The following RNGTT variants were observed in gnomAD, a reference collection of about 807,000 sequenced individuals.
RNGTT encodes RNA guanylyltransferase and 5'-phosphatase.
A neutral mutation model predicts 79.3 loss-of-function variants in RNGTT; 33 were observed. That is an observed-to-expected ratio of 0.42 (90% CI 0.32 to 0.56). The LOEUF (loss-of-function observed/expected upper bound fraction) is 0.56. Among genes scored for constraint, RNGTT ranks in the 20% least tolerant of loss-of-function variants. The pLI is 0.17. For missense variants in RNGTT, 497 were observed against 739.1 expected, an observed-to-expected ratio of 0.67 and a Z score of 3.80; for synonymous variants, 222 against 235.9, an observed-to-expected ratio of 0.94 and a Z score of 0.54.
At chr6:88,852,565 T>G (rs556953326) in intron 9 of RNGTT, among the ~76,000 whole-genome samples, 1 of 152,088 alleles carries the variant, frequency 6.6e-6, no homozygotes, top group Admixed American at 6.5e-5. Flanking sequence ...CATGTACATA[T>G]GTATATATAT....
At chr6:88,712,066 C>T (rs1365117250) in intron 13 of RNGTT, among the ~76,000 whole-genome samples, 4 of 152,120 alleles carry the variant, frequency 2.6e-5, no homozygotes, top group Non-Finnish European at 5.9e-5. Flanking sequence ...AACATATCCA[C>T]ACCAAAGGAC....
intron 13 of RNGTT, among the ~76,000 whole-genome samples, chr6:88,724,458 C>T (rs1776816821): frequency 6.6e-6 from 1 of 152,122 alleles, no homozygotes; most frequent in Admixed American, 6.5e-5. Context: ...TCCGCTATGC[C>T]ATATAGCCTA....
At chr6:88,924,293 G>GT (rs1784252303) in intron 4 of RNGTT, among the ~76,000 whole-genome samples, 1 of 152,094 alleles carries the variant, frequency 6.6e-6, no homozygotes, top group South Asian at 2.1e-4. Context: ...ACTTTAATTT[G>GT]TATCTCATTA....
At chr6:88,633,629 T>C (rs898900198) in intron 14 of RNGTT, among the ~76,000 whole-genome samples, 1 of 151,200 alleles carries the variant, frequency 6.6e-6, no homozygotes, top group African/African-American at 2.4e-5. Context: ...AACTAAAATG[T>C]TTTTTTTTAA....
intron 14 of RNGTT, among the ~76,000 whole-genome samples, chr6:88,626,575 TTC>T (rs1216721541): frequency 1.3e-5 from 2 of 152,068 alleles, no homozygotes; most frequent in African/African-American, 4.8e-5. Context: ...CTGCTAAAGT[TTC>T]TTTCTCTTCA....
intron 11 of RNGTT, among the ~76,000 whole-genome samples, chr6:88,840,165 A>T (rs1250103737): frequency 6.6e-6 from 1 of 152,182 alleles, no homozygotes; most frequent in Non-Finnish European, 1.5e-5. Flanking sequence ...TTACCATCCC[A>T]TTAGCAAAGA....
chr6:88,730,650 G>A (rs1451357878), intron 13 of RNGTT, among the ~76,000 whole-genome samples: 2 of 152,228 alleles, frequency 1.3e-5, no homozygotes, highest in South Asian at 2.1e-4. Flanking sequence ...CTCCTGCTGC[G>A]CAGCCCAGTT....
intron 4 of RNGTT, among the ~76,000 whole-genome samples, chr6:88,911,493 G>A (rs537315898): frequency 3.9e-5 from 6 of 152,242 alleles, no homozygotes; most frequent in Non-Finnish European, 8.8e-5. Context: ...AGAACTTCCA[G>A]ATGGGTACTA....
At chr6:88,839,056 CA>C (rs34355123) in intron 11 of RNGTT, among the ~76,000 whole-genome samples, 25,038 of 131,646 alleles carry the variant, frequency 0.19, 2,834 homozygotes, top group African/African-American at 0.35. Flanking sequence ...TATCTATATG[CA>C]AAAAAAAAAA....
At chr6:88,873,336 G>A (rs963509480) in intron 8 of RNGTT, among the ~76,000 whole-genome samples, 29 of 152,140 alleles carry the variant, frequency 1.9e-4, no homozygotes, top group African/African-American at 7.0e-4. Context: ...CTTTTAACTA[G>A]TATTCTCATA....
At chr6:88,687,172 A>G (rs1775309067) in intron 13 of RNGTT, among the ~76,000 whole-genome samples, 1 of 152,208 alleles carries the variant, frequency 6.6e-6, no homozygotes, top group Non-Finnish European at 1.5e-5. Flanking sequence ...ATGGACATTA[A>G]GCGTATGTAA....
intron 11 of RNGTT, among the ~76,000 whole-genome samples, chr6:88,806,535 T>C (rs1429210878): frequency 1.3e-5 from 2 of 152,080 alleles, no homozygotes; most frequent in Non-Finnish European, 2.9e-5. Context: ...CAGGATGGTC[T>C]CAATCTCCTG....
rs534210089 is a variant in RNGTT, at chr6:88,902,101, T to C, written c.684+2614A>G. On this transcript the variant is annotated intron_variant, in intron 6 of 15. Coordinates refer to ENST00000369485, the MANE Select transcript of RNGTT (RefSeq NM_003800.5). ...TACTCAGGAGGCTGCGATGAGAGGA[T>C]AGCTTGAGCCCAGAAGTTCAAAGTA... 1.1e-4 allele frequency among the ~76,000 whole-genome samples: 17 copies of C among 152,136 alleles called. No individual in the cohort carries two copies. In the East Asian group the frequency reaches 2.1e-3, roughly 19 times the overall value.
At chr6:88,809,103 A>AT (rs1780053511) in intron 11 of RNGTT, among the ~76,000 whole-genome samples, 1 of 152,206 alleles carries the variant, frequency 6.6e-6, no homozygotes, top group Admixed American at 6.5e-5. Context: ...GGCTATATTA[A>AT]TATAAGACAA....
intron 13 of RNGTT, among the ~76,000 whole-genome samples, chr6:88,707,724 T>G (rs201696053): frequency 9.2e-6 from 1 of 108,480 alleles, no homozygotes; most frequent in African/African-American, 4.6e-5. Flanking sequence ...TTCCCTAACA[T>G]TAAAAAAAAA....
rs141377243 is a variant in RNGTT, at chr6:88,746,766, G to C, written c.1439+23008C>G. 2.8e-4 allele frequency among the ~76,000 whole-genome samples: 42 copies of C among 152,282 alleles called. No homozygotes were observed. The East Asian group carries it at 4.1e-3, about 15-fold the overall frequency. The stretch of plus-strand genomic sequence containing the variant: ...AGACCTATACTGGTCTGGCCTGGGG[G>C]TTGGGCACCCCTGTACTAGAATGAT... On this transcript the variant is annotated intron_variant, in intron 13 of 15. Coordinates refer to ENST00000369485, the MANE Select transcript of RNGTT (RefSeq NM_003800.5).
intron 7 of RNGTT, 82 bp downstream of exon 7, chr6:88,891,724 G>T: frequency 1.2e-6 from 1 of 819,540 alleles, no homozygotes; most frequent in South Asian, 2.5e-5. Context: ...ACTTCAAGGA[G>T]CCAAGAAGAT....
chr6:88,912,637 T>C (rs773262652), intron 4 of RNGTT, among the ~76,000 whole-genome samples: 24 of 151,932 alleles, frequency 1.6e-4, no homozygotes, highest in Admixed American at 6.6e-5. Flanking sequence ...TGACAGGCCA[T>C]TGGCTGGATT....
In RNGTT at chr6:88,817,749, A is replaced by ATTTTTTTTTTTT. The variant is rs71554802; in HGVS notation, c.1270-16129_1270-16118dup. On this transcript the variant is annotated intron_variant, in intron 11 of 15. Transcript: ENST00000369485. ...TTCACCATCCAAGTCTATTCACATC[A>ATTTTTTTTTTTT]TTTTTTTTTTTTTTTTTTTTTTTTT... Among the ~76,000 whole-genome samples the ATTTTTTTTTTTT allele has an allele frequency of 5.6e-5, 4 of 71,570 alleles. 1 individual carries two copies. The highest frequency in any genetic ancestry group is 5.3e-5 in the Non-Finnish European group (2 of 37,446). The allele number at this position is 71,570 out of a possible 152,430, so 47.0% of individuals were successfully genotyped here. A position where few individuals can be genotyped will look rare whatever the true frequency, so the allele number is the denominator to read the frequency against.
Sources: allele counts gnomAD v4.1 joint callset (sites outside exome capture counted in the v4.1 genomes callset), GRCh38; gene constraint gnomAD v4.1.1; transcripts MANE v1.5; gene names NCBI Gene and HGNC (gene_info 2026-07-23, HGNC 2026-07-21).